C16orf74: variants seen among roughly 807,000 people sequenced by gnomAD.
C16orf74 encodes calcimembrin.
C16orf74 carries 10 observed loss-of-function variants against 6.5 expected under a neutral mutation model. The ratio of observed to expected loss-of-function variants is 1.54; its 90% CI spans 0.95 to 2.61. C16orf74 has a LOEUF of 2.61. Ranked by LOEUF, C16orf74 falls within the 30% of genes most tolerant of loss-of-function variation. C16orf74 has a pLI of 0.00. For synonymous variants in C16orf74, 60 were observed against 42.5 expected, an observed-to-expected ratio of 1.41 and a Z score of -1.60; for missense variants, 141 against 105.9, an observed-to-expected ratio of 1.33 and a Z score of -1.45.
intron 3 of C16orf74, among the ~76,000 whole-genome samples, chr16:85,709,607 C>G (rs999255826): frequency 6.6e-6 from 1 of 152,100 alleles, no homozygotes; most frequent in Non-Finnish European, 1.5e-5. Flanking sequence ...ACAATTTGTC[C>G]CACCAGCTCC....
intron 2 of C16orf74, among the ~76,000 whole-genome samples, chr16:85,711,277 T>C (rs138942451): frequency 2.7e-4 from 39 of 146,616 alleles, no homozygotes; most frequent in African/African-American, 9.9e-4. Context: ...GATCACACCA[T>C]TGCACTTCAG....
At chr16:85,740,198 CGA>C (rs2152065166) in intron 1 of C16orf74, among the ~76,000 whole-genome samples, 1 of 117,996 alleles carries the variant, frequency 8.5e-6, no homozygotes, top group African/African-American at 3.4e-5. Flanking sequence ...GCGACAAGAA[CGA>C]GACTTTGTCT....
chr16:85,746,559 G>C (rs1372077753), intron 1 of C16orf74, among the ~76,000 whole-genome samples: 5 of 152,304 alleles, frequency 3.3e-5, no homozygotes, highest in Non-Finnish European at 7.4e-5. Flanking sequence ...ACCCCATGGA[G>C]GTCCTGAGTC....
chr16:85,708,940 G>A (rs1166634389), intron 3 of C16orf74, among the ~76,000 whole-genome samples: 1 of 152,280 alleles, frequency 6.6e-6, no homozygotes, highest in East Asian at 1.9e-4. Context: ...CCACTTGCGG[G>A]GAGGACATCC....
chr16:85,721,894 C>T (rs889496333), intron 2 of C16orf74, among the ~76,000 whole-genome samples: 2 of 151,904 alleles, frequency 1.3e-5, no homozygotes, highest in African/African-American at 4.8e-5. Context: ...TTCTTACCCT[C>T]TCTGTCACCT....
chr16:85,718,631 G>GT (rs1401258666), intron 2 of C16orf74, among the ~76,000 whole-genome samples: 2 of 152,202 alleles, frequency 1.3e-5, no homozygotes, highest in Non-Finnish European at 2.9e-5. Context: ...GGCATGAGAG[G>GT]TTAAGGACCA....
chr16:85,710,218 T>C lies in C16orf74; in HGVS notation c.118A>G (p.Ile40Val), dbSNP rs1484108756. 11 of 1,501,226 alleles carry C rather than the reference T, an allele frequency of 7.3e-6. No individual in the cohort carries two copies. The South Asian group carries it at 1.2e-4, about 17-fold the overall frequency. The allele number at this position is 1,501,226 out of a possible 1,614,324, so 93.0% of individuals were successfully genotyped here. The change falls in exon 3 of 4, where the codon ATC becomes GTC. Residue 40 changes from isoleucine to valine, a missense_variant. Ile to Val is a conservative substitution (Grantham distance 29, BLOSUM62 3). Transcript: ENST00000284245. The part of the protein sequence containing the change: ...DKHLDVPDII[I>V]TPPTPTGMML... ...ATGCCCGTGGGGGTGGGGGGCGTGATGATGATGTCGGGCACGTCCAGGTGC... is the reference window on the plus strand; with the variant it reads ...ATGCCCGTGGGGGTGGGGGGCGTGACGATGATGTCGGGCACGTCCAGGTGC...
chr16:85,715,766 G>A (rs1050803742), intron 2 of C16orf74, among the ~76,000 whole-genome samples: 28 of 152,162 alleles, frequency 1.8e-4, no homozygotes, highest in Admixed American at 4.6e-4. Context: ...GAGGGGAGCT[G>A]AGATCTAGGA....
At chr16:85,727,346 G>A (rs1352611608) in intron 2 of C16orf74, among the ~76,000 whole-genome samples, 5 of 152,176 alleles carry the variant, frequency 3.3e-5, no homozygotes, top group African/African-American at 7.2e-5. Flanking sequence ...CCCCCCGAGC[G>A]AGGGAGTCAC....
chr16:85,720,331 T>C (rs2054069984), intron 2 of C16orf74, among the ~76,000 whole-genome samples: 1 of 152,138 alleles, frequency 6.6e-6, no homozygotes, highest in Non-Finnish European at 1.5e-5. Context: ...CAAACCACAT[T>C]CCTGCCCTGG....
chr16:85,707,762 C>T lies in C16orf74; in HGVS notation c.*246G>A, dbSNP rs1384724248. ...ACCATGGCGCTCCCTTTCACCAGGCCGGAGTCAGCAAGAACCTGGAGGTGT... is the reference window on the plus strand; with the variant it reads ...ACCATGGCGCTCCCTTTCACCAGGCTGGAGTCAGCAAGAACCTGGAGGTGT... On this transcript the variant is annotated 3_prime_UTR_variant, in exon 4 of 4. Transcript: ENST00000284245. 4 of 534,578 alleles carry T rather than the reference C, an allele frequency of 7.5e-6. No homozygotes were observed. The highest frequency in any genetic ancestry group is 3.4e-5 in the East Asian group (1 of 29,608). 33.1% of individuals were successfully genotyped at this position (534,578 alleles called of 1,614,324 possible).
chr16:85,730,319 T>C (rs989865885), intron 2 of C16orf74, among the ~76,000 whole-genome samples: 2 of 152,152 alleles, frequency 1.3e-5, no homozygotes, highest in Admixed American at 1.3e-4. Flanking sequence ...CTAGTTGGTG[T>C]GACTGTAGCT....
chr16:85,724,597 G>A (rs1349457051), intron 2 of C16orf74, among the ~76,000 whole-genome samples: 2 of 152,102 alleles, frequency 1.3e-5, no homozygotes, highest in Admixed American at 6.5e-5. Flanking sequence ...GGTGAGGTGT[G>A]AGCTTTGGGA....
intron 1 of C16orf74, among the ~76,000 whole-genome samples, chr16:85,749,436 C>T (rs1052604406): frequency 5.3e-5 from 8 of 152,028 alleles, no homozygotes; most frequent in Non-Finnish European, 8.8e-5. Flanking sequence ...CAGGTATGCA[C>T]CACACCCAGC....
intron 2 of C16orf74, among the ~76,000 whole-genome samples, chr16:85,733,689 G>A (rs1428057015): frequency 6.6e-6 from 1 of 152,164 alleles, no homozygotes; most frequent in Non-Finnish European, 1.5e-5. Context: ...ACTGTCTGCT[G>A]CTGAATTAAC....
chr16:85,744,838 A>AC (rs1052188753), intron 1 of C16orf74, among the ~76,000 whole-genome samples: 1 of 124,162 alleles, frequency 8.1e-6, no homozygotes, highest in East Asian at 2.1e-4. Flanking sequence ...TCAAAAAAAA[A>AC]AAAAAAAAAA....
At chr16:85,736,328 G>C (rs778723630) in intron 1 of C16orf74, among the ~76,000 whole-genome samples, 5 of 152,158 alleles carry the variant, frequency 3.3e-5, no homozygotes, top group Admixed American at 6.5e-5. Context: ...TGGATTGGTA[G>C]CATCAGCAAC....
intron 2 of C16orf74, among the ~76,000 whole-genome samples, chr16:85,718,766 G>A (rs2054050117): frequency 6.6e-6 from 1 of 152,242 alleles, no homozygotes; most frequent in Admixed American, 6.5e-5. Flanking sequence ...CAGATCACGA[G>A]TTGATGCTAA....
intron 2 of C16orf74, among the ~76,000 whole-genome samples, chr16:85,729,827 G>A (rs403472): frequency 0.1 from 15,230 of 152,268 alleles, 1,051 homozygotes; most frequent in Middle Eastern, 0.19. Context: ...GGAAGAGGCA[G>A]GAAGGTTCCT....
Sources: gnomAD v4.1 joint callset for allele counts (sites outside exome capture counted in the v4.1 genomes callset) on GRCh38, gnomAD v4.1.1 for gene constraint, MANE v1.5 for transcripts, NCBI Gene and HGNC (gene_info 2026-07-23, HGNC 2026-07-21) for gene names.